Variants in DOCK1 observed in about 807,000 individuals in gnomAD.
DOCK1 encodes dedicator of cytokinesis 1, also known as dedicator of cytokinesis protein 1.
Under a neutral mutation model 262.7 loss-of-function variants are expected in DOCK1, and 138 were observed. The ratio of observed to expected loss-of-function variants is 0.53; its 90% CI spans 0.46 to 0.61. The LOEUF is 0.61. Ranked by LOEUF, DOCK1 falls within the 20% of genes least tolerant of loss-of-function variation. The probability of loss-of-function intolerance (pLI) is 0.00; values close to 1 mark genes in which losing one functional copy is unlikely to be tolerated. For missense variants in DOCK1, 1,908 were observed against 2,370.7 expected (o/e 0.80, Z 4.05); for synonymous variants, 866 against 867.4 (o/e 1.00, Z 0.03).
chr10:127,313,482 A>G (rs997513643), intron 29 of DOCK1, among the ~76,000 whole-genome samples: 1 of 152,346 alleles, frequency 6.6e-6, no homozygotes, highest in South Asian at 2.1e-4. Context: ...GAAATCCACA[A>G]TGAAATGTCA....
At chr10:127,137,808 C>T (rs367833278) in intron 27 of DOCK1, 403 of 1,589,000 alleles carry the variant, frequency 2.5e-4, no homozygotes, top group Non-Finnish European at 1.3e-4. Flanking sequence ...GTTCTAAAGA[C>T]GGCCTCGAGA....
chr10:127,394,729 C>T (rs2066716362), intron 38 of DOCK1, among the ~76,000 whole-genome samples: 1 of 152,156 alleles, frequency 6.6e-6, no homozygotes, highest in Non-Finnish European at 1.5e-5. Context: ...AACAATGCTC[C>T]CTTAGCTTAT....
rs1039392877 is a variant in DOCK1 at position 127,437,533 on chromosome 10, C to A, written c.5061-1494C>A. Among the ~76,000 whole-genome samples the A allele has an allele frequency of 6.6e-6, 1 of 150,604 alleles. No individual in the cohort carries two copies. The highest frequency in any genetic ancestry group is 1.5e-5 in the Non-Finnish European group (1 of 67,762). On this transcript the variant is annotated intron_variant, in intron 48 of 51. Coordinates refer to ENST00000623213, the MANE Select transcript of DOCK1 (RefSeq NM_001290223.2). This position sits in a 1 kb window ranked among gnomAD's most constrained non-coding sequence, Gnocchi z 4.4. Reference sequence around the variant, plus strand: ...ATCTGGCTCTGTCACCCAGGCTGTGCAATGGCACAGTCTTGGCTCACTGCA... The same window carrying A: ...ATCTGGCTCTGTCACCCAGGCTGTGAAATGGCACAGTCTTGGCTCACTGCA...
rs776984876 is a variant in DOCK1 at position 127,429,655 on chromosome 10, G to A, written c.4915-3628G>A. Among the ~76,000 whole-genome samples the A allele has an allele frequency of 4.6e-5, 7 of 152,156 alleles. 1 individual carries two copies. The highest frequency in any genetic ancestry group is 1.4e-4 in the African/African-American group (6 of 41,442). On this transcript the variant is annotated intron_variant, in intron 47 of 51. Transcript: ENST00000623213. ...CTGCCACTCTGCCTTGGCTTTCATC[G>A]TGTTCCCAGTCCTGGGGCTCCAAGG... is the stretch of plus-strand genomic sequence containing the variant.
chr10:126,926,704 C>A (rs112045485), intron 1 of DOCK1, among the ~76,000 whole-genome samples: 1 of 152,098 alleles, frequency 6.6e-6, no homozygotes. Flanking sequence ...AGGAGGGACA[C>A]GTGAGAACTC....
At chr10:126,935,098 A>G (rs2134208071) in intron 1 of DOCK1, among the ~76,000 whole-genome samples, 1 of 152,120 alleles carries the variant, frequency 6.6e-6, no homozygotes, top group Middle Eastern at 3.4e-3. Context: ...ACAGAGCGAG[A>G]CTCCGTCTCA....
At chr10:127,291,822 T>C (rs955374425) in intron 29 of DOCK1, among the ~76,000 whole-genome samples, 1 of 152,200 alleles carries the variant, frequency 6.6e-6, no homozygotes, top group Non-Finnish European at 1.5e-5. Flanking sequence ...ACAGGGCATA[T>C]CCAGTGAAAT....
intron 15 of DOCK1, chr10:127,025,163 G>A (rs1357199473): frequency 6.3e-6 from 1 of 158,072 alleles, no homozygotes; most frequent in East Asian, 1.8e-4. Flanking sequence ...CTCTGATATG[G>A]TGCCTTTTCA....
chr10:126,957,389 C>T (rs936440010), intron 1 of DOCK1, among the ~76,000 whole-genome samples: 4 of 152,152 alleles, frequency 2.6e-5, no homozygotes, highest in Admixed American at 2.0e-4. Context: ...AAAGTGCAAA[C>T]GCCTCCCATC....
intron 27 of DOCK1, among the ~76,000 whole-genome samples, chr10:127,179,572 A>C (rs1237530696): frequency 6.6e-6 from 1 of 152,132 alleles, no homozygotes; most frequent in Non-Finnish European, 1.5e-5. Context: ...TTTAAAATTG[A>C]ATTTCTGGAC....
intron 27 of DOCK1, among the ~76,000 whole-genome samples, chr10:127,193,753 A>T (rs1252128677): frequency 6.6e-6 from 1 of 151,864 alleles, no homozygotes; most frequent in East Asian, 1.9e-4. Context: ...TTATTTAAAA[A>T]TTTTTCCCTA....
At chr10:127,034,372 T>C (rs1048643869) in intron 18 of DOCK1, among the ~76,000 whole-genome samples, 7 of 152,112 alleles carry the variant, frequency 4.6e-5, no homozygotes, top group African/African-American at 1.2e-4. Context: ...ATGAGTCTTA[T>C]CACTCTCATG....
intron 23 of DOCK1, among the ~76,000 whole-genome samples, chr10:127,104,761 A>G (rs980828328): frequency 1.3e-5 from 2 of 152,180 alleles, no homozygotes; most frequent in Non-Finnish European, 2.9e-5. Context: ...ATCACTTAAA[A>G]TCTGGCAACT....
chr10:127,007,994 T>C (rs575844481), intron 10 of DOCK1, among the ~76,000 whole-genome samples: 2 of 152,374 alleles, frequency 1.3e-5, no homozygotes, highest in African/African-American at 2.4e-5. Context: ...AGAACAGTGC[T>C]GGCCAGCGTG....
At chr10:127,261,983 T>C (rs1287389617) in intron 29 of DOCK1, among the ~76,000 whole-genome samples, 2 of 146,288 alleles carry the variant, frequency 1.4e-5, no homozygotes, top group Non-Finnish European at 3.0e-5. Context: ...CATGTGGGTG[T>C]GTGTGTGTAC....
At chr10:127,179,209 G>A (rs950416867) in intron 27 of DOCK1, among the ~76,000 whole-genome samples, 5 of 152,206 alleles carry the variant, frequency 3.3e-5, no homozygotes, top group African/African-American at 1.2e-4. Context: ...TCTTACATCA[G>A]TTGGCTGGGG....
intron 27 of DOCK1, among the ~76,000 whole-genome samples, chr10:127,145,287 G>A (rs981847380): frequency 5.3e-5 from 8 of 152,218 alleles, no homozygotes; most frequent in Admixed American, 2.0e-4. Flanking sequence ...TCTGCCCATC[G>A]TAAGTTCTCC....
At chr10:127,323,368 G>C (rs145815061) in intron 29 of DOCK1, among the ~76,000 whole-genome samples, 1 of 152,114 alleles carries the variant, frequency 6.6e-6, no homozygotes, top group African/African-American at 2.4e-5. Flanking sequence ...CGGTGGGGAC[G>C]TCTCTCCTGT....
intron 23 of DOCK1, among the ~76,000 whole-genome samples, chr10:127,074,114 A>G (rs151237548): frequency 2.0e-5 from 3 of 152,370 alleles, no homozygotes; most frequent in African/African-American, 4.8e-5. Flanking sequence ...GCTCTGTTAT[A>G]TTGAATACTT....
Sources: allele counts gnomAD v4.1 joint callset (sites outside exome capture counted in the v4.1 genomes callset), GRCh38; gene constraint gnomAD v4.1.1; non-coding constraint Gnocchi (gnomAD v3.1); transcripts MANE v1.5; gene names NCBI Gene and HGNC (gene_info 2026-07-23, HGNC 2026-07-21).